The following CRB1 variants were observed in gnomAD, a reference collection of about 807,000 sequenced individuals.
CRB1 encodes the protein protein crumbs homolog 1.
In CRB1, 83 loss-of-function variants were observed where a neutral mutation model predicts 120.0. The observed-to-expected ratio is 0.69, with a 90% CI of 0.58 to 0.83. The LOEUF (loss-of-function observed/expected upper bound fraction) is 0.83. Among genes scored for constraint, CRB1 ranks in the 40% least tolerant of loss-of-function variants. The pLI is 0.00. For missense variants in CRB1, 1,699 were observed against 1,687.6 expected (o/e 1.01, Z -0.12); for synonymous variants, 625 against 612.5 (o/e 1.02, Z -0.30).
chr1:197,388,612 C>T (rs191795712), intron 5 of CRB1, among the ~76,000 whole-genome samples: 48 of 151,730 alleles, frequency 3.2e-4, no homozygotes, highest in African/African-American at 8.7e-4. Flanking sequence ...ATAGCCATTC[C>T]GAAAAGAAAA....
intron 5 of CRB1, among the ~76,000 whole-genome samples, chr1:197,362,121 A>G (rs759447053): frequency 6.6e-6 from 1 of 151,982 alleles, no homozygotes; most frequent in Non-Finnish European, 1.5e-5. Context: ...TAAGAATTGA[A>G]TTGTTTAATT....
chr1:197,445,210 A>G (rs1665645956), intron 11 of CRB1, among the ~76,000 whole-genome samples: 1 of 152,150 alleles, frequency 6.6e-6, no homozygotes, highest in South Asian at 2.1e-4. Flanking sequence ...AGCTTCTAAA[A>G]CATAGCCTAT....
chr1:197,412,882 A>T (rs1663782764), intron 5 of CRB1, among the ~76,000 whole-genome samples: 1 of 152,206 alleles, frequency 6.6e-6, no homozygotes. Flanking sequence ...TTTCTGCCTT[A>T]TTACTGGTTT....
chr1:197,358,466 A>G (rs1047697932), intron 5 of CRB1, among the ~76,000 whole-genome samples: 1 of 152,176 alleles, frequency 6.6e-6, no homozygotes, highest in African/African-American at 2.4e-5. Flanking sequence ...TGTTCCAGAA[A>G]AGTGTTGGGC....
intron 1 of CRB1, among the ~76,000 whole-genome samples, chr1:197,295,979 A>C (rs562410733): frequency 2.7e-5 from 2 of 73,776 alleles, no homozygotes; most frequent in East Asian, 3.6e-3. Context: ...GATTTAAAAA[A>C]AAATTTAAGA....
intron 1 of CRB1, among the ~76,000 whole-genome samples, chr1:197,274,664 T>C (rs1238935838): frequency 6.6e-6 from 1 of 152,206 alleles, no homozygotes; most frequent in Admixed American, 6.5e-5. Context: ...TAGGATGCTA[T>C]AAAATTGGAA....
intron 1 of CRB1, among the ~76,000 whole-genome samples, chr1:197,305,684 A>G (rs1489884918): frequency 3.3e-5 from 5 of 152,006 alleles, no homozygotes; most frequent in Non-Finnish European, 7.4e-5. Flanking sequence ...TCACCTCCTT[A>G]ACGTCTTGAT....
chr1:197,401,643 A>T (rs1313591858), intron 5 of CRB1, among the ~76,000 whole-genome samples: 1 of 152,180 alleles, frequency 6.6e-6, no homozygotes, highest in African/African-American at 2.4e-5. Flanking sequence ...GTTTATGACC[A>T]GTTCTTTAAT....
the CRB1 span, among the ~76,000 whole-genome samples, chr1:197,238,876 A>G: frequency 6.6e-6 from 1 of 152,136 alleles, no homozygotes; most frequent in East Asian, 1.9e-4. Context: ...TTATAAAAAC[A>G]AGACAAATTA....
chr1:197,222,582 T>C, the CRB1 span: 2 of 769,544 alleles, frequency 2.6e-6, no homozygotes, highest in South Asian at 1.3e-5. Context: ...TCCTGTTGTT[T>C]TGCAGTTGGC....
chr1:197,342,379 T>G (rs1178874303), intron 2 of CRB1, among the ~76,000 whole-genome samples: 1 of 152,192 alleles, frequency 6.6e-6, no homozygotes, highest in African/African-American at 2.4e-5. Context: ...ATCTCAAGAA[T>G]GTGTCTGTCA....
intron 3 of CRB1, among the ~76,000 whole-genome samples, chr1:197,345,376 C>A (rs1057223945): frequency 1.3e-5 from 2 of 151,954 alleles, no homozygotes; most frequent in African/African-American, 4.8e-5. Context: ...AAAGGAAGAC[C>A]AGAATGGTTT....
chr1:197,457,824 T>A (rs1666353626), intron 11 of CRB1, among the ~76,000 whole-genome samples: 2 of 152,174 alleles, frequency 1.3e-5, no homozygotes, highest in South Asian at 4.1e-4. Context: ...ACCAAAGTGT[T>A]AATTTTTAAT....
At chr1:197,234,370 C>T in the CRB1 span, among the ~76,000 whole-genome samples, 1 of 152,166 alleles carries the variant, frequency 6.6e-6, no homozygotes, top group African/African-American at 2.4e-5. Context: ...TGAGGACACT[C>T]AGGTATCACT....
chr1:197,253,750 T>C, the CRB1 span, among the ~76,000 whole-genome samples: 1 of 152,136 alleles, frequency 6.6e-6, no homozygotes, highest in Non-Finnish European at 1.5e-5. Context: ...TAAAATTTCT[T>C]TGTTTTGAAT....
chr1:197,321,004 C>G (rs922339775), intron 1 of CRB1, among the ~76,000 whole-genome samples: 1 of 152,208 alleles, frequency 6.6e-6, no homozygotes, highest in Admixed American at 6.5e-5. Flanking sequence ...ATCTCCTTCT[C>G]TCTGATTTCA....
At chr1:197,234,237 A>C in the CRB1 span, among the ~76,000 whole-genome samples, 1 of 152,200 alleles carries the variant, frequency 6.6e-6, no homozygotes, top group South Asian at 2.1e-4. Context: ...CTCCATTGTA[A>C]TGAATAGAAT....
intron 11 of CRB1, among the ~76,000 whole-genome samples, chr1:197,475,053 A>G (rs1667142634): frequency 6.6e-6 from 1 of 152,194 alleles, no homozygotes; most frequent in Non-Finnish European, 1.5e-5. Context: ...TCTAGTTGAC[A>G]TAAACTATTT....
At chr1:197,304,680 A>C (rs1657061909) in intron 1 of CRB1, among the ~76,000 whole-genome samples, 1 of 152,238 alleles carries the variant, frequency 6.6e-6, no homozygotes, top group Admixed American at 6.5e-5. Flanking sequence ...GGCAGAAGTG[A>C]AGTGGAAATC....
Sources: gnomAD v4.1 joint callset for allele counts (sites outside exome capture counted in the v4.1 genomes callset) on GRCh38, gnomAD v4.1.1 for gene constraint, MANE v1.5 for transcripts, NCBI Gene and HGNC (gene_info 2026-07-23, HGNC 2026-07-21) for gene names.